Variants in ZNF521 observed in about 807,000 individuals in gnomAD.
ZNF521 encodes zinc finger protein 521.
Under a neutral mutation model 105.5 loss-of-function variants are expected in ZNF521, and 14 were observed. That is an observed-to-expected ratio of 0.13 (90% confidence interval 0.09 to 0.21). ZNF521 has a LOEUF of 0.21. Among genes scored for constraint, ZNF521 ranks in the 10% least tolerant of loss-of-function variants. The pLI is 1.00. For missense variants in ZNF521, 1,233 were observed against 1,629.7 expected (o/e 0.76, Z 4.19); for synonymous variants, 635 against 606.0 (o/e 1.05, Z -0.70).
At chr18:25,093,993 A>G (rs947812271) in intron 5 of ZNF521, among the ~76,000 whole-genome samples, 8 of 152,336 alleles carry the variant, frequency 5.3e-5, no homozygotes, top group African/African-American at 1.9e-4. Context: ...CCTTAATGCT[A>G]CATACCTTTA....
rs117863845 is a variant in ZNF521 at position 25,118,923 on chromosome 18, T to C, written c.3659-26842A>G. Among the ~76,000 whole-genome samples, 640 of 152,160 alleles carry C rather than the reference T, an allele frequency of 4.2e-3. 5 individuals carry two copies. The highest frequency in any genetic ancestry group is 8.1e-3 in the Admixed American group (123 of 15,268). Reference sequence around the variant, plus strand: ...TAAAGAGAAGTTGAAAGCAAATGGATGGAACAAATACATACTACGAATACA... The same window carrying C: ...TAAAGAGAAGTTGAAAGCAAATGGACGGAACAAATACATACTACGAATACA... On this transcript the variant is annotated intron_variant, in intron 5 of 7. Transcript: ENST00000361524.
chr18:25,072,987 T>A (rs2033263748), intron 7 of ZNF521, among the ~76,000 whole-genome samples: 1 of 152,214 alleles, frequency 6.6e-6, no homozygotes, highest in South Asian at 2.1e-4. Flanking sequence ...GTGCCCCTTC[T>A]TCGTGCTCTA....
intron 5 of ZNF521, among the ~76,000 whole-genome samples, chr18:25,176,127 A>T (rs760560037): frequency 6.6e-6 from 1 of 152,226 alleles, no homozygotes; most frequent in African/African-American, 2.4e-5. Flanking sequence ...TATTTTCAAT[A>T]GCCGTGTGAG....
Position 25,151,599 on chromosome 18 carries a change from G to A in ZNF521, c.3658+43561C>T, listed in dbSNP as rs187869533. 3.7e-3 allele frequency among the ~76,000 whole-genome samples: 570 copies of A among 152,142 alleles called. 1 individual carries two copies. Among genetic ancestry groups the A allele is most frequent in the Non-Finnish European group, 5.9e-3 (404 of 67,984 alleles). On this transcript the variant is annotated intron_variant, in intron 5 of 7. Transcript: ENST00000361524. ...TCTTTAGGTGTTCAGCTAGTAGTCT[G>A]GACGAGACTTTTATCGTTTCTTTCA...
chr18:25,147,214 A>T (rs192507228), intron 5 of ZNF521, among the ~76,000 whole-genome samples: 1 of 72,610 alleles, frequency 1.4e-5, no homozygotes, highest in African/African-American at 4.8e-5. Flanking sequence ...TAATGTCAAC[A>T]TTCAACAAAA....
At chr18:25,344,417 T>C (rs1055765259) in intron 2 of ZNF521, among the ~76,000 whole-genome samples, 3 of 152,236 alleles carry the variant, frequency 2.0e-5, no homozygotes, top group African/African-American at 4.8e-5. Flanking sequence ...GCAGAACATA[T>C]TTTAAATCAG....
At chr18:25,279,617 T>C (rs1018802033) in intron 3 of ZNF521, among the ~76,000 whole-genome samples, 2 of 152,222 alleles carry the variant, frequency 1.3e-5, no homozygotes, top group African/African-American at 4.8e-5. Flanking sequence ...TGATGTGGTA[T>C]TCAACCAGAG....
chr18:25,164,723 G>A (rs2035307587), intron 5 of ZNF521, among the ~76,000 whole-genome samples: 1 of 152,206 alleles, frequency 6.6e-6, no homozygotes, highest in Admixed American at 6.5e-5. Flanking sequence ...AGTGCCAGGA[G>A]ATCACACTGC....
intron 5 of ZNF521, among the ~76,000 whole-genome samples, chr18:25,135,280 G>A (rs1354977745): frequency 1.4e-4 from 3 of 21,822 alleles, no homozygotes; most frequent in Admixed American, 6.1e-4. Flanking sequence ...ATATGTATAC[G>A]TGTGTGTGTG....
chr18:25,083,951 TTTTTTTTTTTTG>T, intron 7 of ZNF521, among the ~76,000 whole-genome samples: 1 of 135,216 alleles, frequency 7.4e-6, no homozygotes, highest in Admixed American at 7.5e-5. Context: ...TTTTTTTTTT[TTTTTTTTTTTTG>T]GTAGAGATGA....
At chr18:25,151,088 C>A (rs1200439555) in intron 5 of ZNF521, among the ~76,000 whole-genome samples, 1 of 151,976 alleles carries the variant, frequency 6.6e-6, no homozygotes, top group Non-Finnish European at 1.5e-5. Flanking sequence ...CCGCACCTGG[C>A]CCTGATCCAG....
intron 3 of ZNF521, among the ~76,000 whole-genome samples, chr18:25,254,498 G>T (rs1600218537): frequency 6.6e-6 from 1 of 152,102 alleles, no homozygotes; most frequent in African/African-American, 2.4e-5. Flanking sequence ...AATCAATTAA[G>T]TTTCTTCTTT....
At chr18:25,304,038 A>G (rs1911825070) in intron 3 of ZNF521, among the ~76,000 whole-genome samples, 1 of 152,246 alleles carries the variant, frequency 6.6e-6, no homozygotes, top group African/African-American at 2.4e-5. Context: ...TTAAGAAGCA[A>G]TAAGACTTTT....
rs200180156 is a variant in ZNF521, at chr18:25,226,053, G to A, written c.1865C>T (p.Ala622Val). 3.5e-5 allele frequency: 56 copies of A among 1,614,060 alleles called. No individual in the cohort carries two copies. The highest frequency in any genetic ancestry group is 4.5e-5 in the Non-Finnish European group (53 of 1,180,038). The change falls in exon 4 of 8, where the codon GCA (alanine) becomes GTA (valine). Residue 622 changes from alanine to valine, a missense_variant. Physicochemically the swap from Ala to Val is moderately conservative, Grantham distance 64. Transcript: ENST00000361524. This position sits in a 1 kb window ranked among gnomAD's most constrained non-coding sequence, Gnocchi z 4.1. ...IEQTSLKMMQ[A>V]VGGAPARPTG... Reference sequence around the variant, plus strand: ...GGGACGTGCAGGTGCACCTCCTACTGCCTGCATCATCTTAAGAGATGTCTG... The same window carrying A: ...GGGACGTGCAGGTGCACCTCCTACTACCTGCATCATCTTAAGAGATGTCTG...
chr18:25,085,227 G>GTA (rs201952893), intron 7 of ZNF521, among the ~76,000 whole-genome samples: 19,755 of 148,330 alleles, frequency 0.13, 1,630 homozygotes, highest in East Asian at 0.2. Flanking sequence ...ATTTTTATGT[G>GTA]TATATATATA....
chr18:25,100,802 C>T (rs942695348), intron 5 of ZNF521, among the ~76,000 whole-genome samples: 1 of 152,158 alleles, frequency 6.6e-6, no homozygotes, highest in Admixed American at 6.6e-5. Context: ...GAGAAATTTG[C>T]CTGTGCATTA....
intron 5 of ZNF521, among the ~76,000 whole-genome samples, chr18:25,187,300 C>T (rs1226482212): frequency 6.6e-6 from 1 of 152,014 alleles, no homozygotes; most frequent in South Asian, 2.1e-4. Context: ...TTTATGTCAG[C>T]GAAAACAAGG....
At chr18:25,334,404 A>C (rs137944602) in intron 2 of ZNF521, among the ~76,000 whole-genome samples, 1 of 152,266 alleles carries the variant, frequency 6.6e-6, no homozygotes, top group African/African-American at 2.4e-5. Flanking sequence ...AAAGATGCCC[A>C]CTTTCAAGTT....
chr18:25,248,488 T>C (rs1907883804), intron 3 of ZNF521, among the ~76,000 whole-genome samples: 1 of 152,246 alleles, frequency 6.6e-6, no homozygotes, highest in African/African-American at 2.4e-5. Context: ...TTCTTCATCA[T>C]GACATTTAGG....
Sources: gnomAD v4.1 joint callset for allele counts (sites outside exome capture counted in the v4.1 genomes callset) on GRCh38, gnomAD v4.1.1 for gene constraint, Gnocchi (gnomAD v3.1) non-coding constraint, MANE v1.5 for transcripts, NCBI Gene and HGNC (gene_info 2026-07-23, HGNC 2026-07-21) for gene names.